The following AFAP1L2 variants were observed in gnomAD, a reference collection of about 807,000 sequenced individuals.
AFAP1L2 encodes the protein actin filament associated protein 1 like 2.
A neutral mutation model predicts 99.3 loss-of-function variants in AFAP1L2; 46 were observed. The observed-to-expected ratio is 0.46, with a 90% confidence interval of 0.37 to 0.59. AFAP1L2 has a LOEUF of 0.59. Ranked by LOEUF, AFAP1L2 falls within the 20% of genes least tolerant of loss-of-function variation. The pLI, the probability that AFAP1L2 is intolerant of heterozygous loss-of-function variation, is 0.00. For missense variants in AFAP1L2, 959 were observed against 1,034.9 expected, an observed-to-expected ratio of 0.93 and a Z score of 1.01; for synonymous variants, 397 against 419.1, an observed-to-expected ratio of 0.95 and a Z score of 0.64.
chr10:114,298,663 A>G (rs2040628170), intron 16 of AFAP1L2, among the ~76,000 whole-genome samples: 1 of 152,212 alleles, frequency 6.6e-6, no homozygotes, highest in Admixed American at 6.5e-5. Flanking sequence ...AGCCTGGGCA[A>G]CATTGCAAGA....
the AFAP1L2 span, chr10:114,285,055 T>TACCCAGCA: frequency 8.7e-7 from 1 of 1,146,154 alleles, no homozygotes; most frequent in Non-Finnish European, 1.2e-6. Flanking sequence ...CCCTTCCAGC[T>TACCCAGCA]GCTGGGTAGA....
intron 2 of AFAP1L2, 49 bp from the exon 3 acceptor site, chr10:114,333,344 G>T: frequency 6.7e-7 from 1 of 1,489,572 alleles, no homozygotes; most frequent in Non-Finnish European, 9.4e-7. Context: ...TGAAGAGAAA[G>T]GGCCTCCAGC....
At chr10:114,343,828 T>C (rs1008533836) in intron 1 of AFAP1L2, among the ~76,000 whole-genome samples, 3 of 152,130 alleles carry the variant, frequency 2.0e-5, no homozygotes, top group Non-Finnish European at 4.4e-5. Context: ...TGCCCTGCTG[T>C]GACCAGACTT....
downstream of AFAP1L2, chr10:114,290,298 C>T (rs747184301): frequency 9.0e-6 from 14 of 1,550,574 alleles, no homozygotes; most frequent in South Asian, 1.2e-5. Flanking sequence ...AGGGCAGCTG[C>T]GTCCTGCAGA....
intron 1 of AFAP1L2, among the ~76,000 whole-genome samples, chr10:114,363,640 A>C (rs1450864916): frequency 2.6e-5 from 4 of 152,230 alleles, no homozygotes; most frequent in Non-Finnish European, 4.4e-5. Context: ...AACAGGTGGC[A>C]GAGTTAAAGT....
chr10:114,297,463 C>T, intron 16 of AFAP1L2, 50 bp from the exon 17 acceptor site: 1 of 1,579,212 alleles, frequency 6.3e-7, no homozygotes, highest in Non-Finnish European at 8.6e-7. Context: ...CAGCCCAGGC[C>T]AGGGAGCCCT....
chr10:114,291,456 A>T, downstream of AFAP1L2: 1 of 551,526 alleles, frequency 1.8e-6, no homozygotes, highest in Non-Finnish European at 3.1e-6. Flanking sequence ...AGCTGATGTC[A>T]CCCACAAACG....
chr10:114,395,445 T>G (rs1026895560), intron 1 of AFAP1L2, among the ~76,000 whole-genome samples: 5 of 152,186 alleles, frequency 3.3e-5, no homozygotes, highest in African/African-American at 1.2e-4. Flanking sequence ...AAGGACCACA[T>G]TTGAATTTTA....
chr10:114,393,535 T>C (rs775770544), intron 1 of AFAP1L2: 1 of 152,074 alleles, frequency 6.6e-6, no homozygotes, highest in African/African-American at 2.4e-5. Context: ...ATTCATGAAG[T>C]AGAATCCCCG....
At chr10:114,350,788 C>T (rs2136202854) in intron 1 of AFAP1L2, among the ~76,000 whole-genome samples, 1 of 152,202 alleles carries the variant, frequency 6.6e-6, no homozygotes, top group Non-Finnish European at 1.5e-5. Flanking sequence ...TCAGAGAGAA[C>T]CCACGGTGAA....
chr10:114,297,371 A>G lies in AFAP1L2; in HGVS notation c.2156T>C (p.Ile719Thr), dbSNP rs760599350. 1.2e-6 allele frequency: 2 copies of G among 1,613,376 alleles called. No individual in the cohort carries two copies. Among genetic ancestry groups the G allele is most frequent in the Admixed American group, 1.7e-5 (1 of 59,992 alleles). The change falls in exon 17 of 19, where the codon ATT (isoleucine) becomes ACT (threonine). Residue 719 changes from isoleucine (I) to threonine (T), a missense_variant. This residue lies in a region of AFAP1L2 where 576 missense variants were observed against 562.1 expected (regional missense o/e 1.02). Transcript: ENST00000304129. ...CTCCTCGCCCCGGCACTCCTCGTCAATTTCCTTCAGCTTCTGCTCCAGGCT... is the reference window on the plus strand; with the variant it reads ...CTCCTCGCCCCGGCACTCCTCGTCAGTTTCCTTCAGCTTCTGCTCCAGGCT... ...LASLEQKLKE[I>T]DEECRGEESR...
intron 1 of AFAP1L2, among the ~76,000 whole-genome samples, chr10:114,373,934 G>C (rs1169052735): frequency 6.6e-6 from 1 of 152,144 alleles, no homozygotes; most frequent in Non-Finnish European, 1.5e-5. Context: ...ACAGCGGACA[G>C]AAGATGCTGG....
chr10:114,346,556 G>A (rs1288548685), intron 1 of AFAP1L2, among the ~76,000 whole-genome samples: 1 of 152,186 alleles, frequency 6.6e-6, no homozygotes, highest in Non-Finnish European at 1.5e-5. Flanking sequence ...GCTGGGAGGG[G>A]TGGGCATCCC....
chr10:114,366,762 T>C (rs548887901), intron 1 of AFAP1L2, among the ~76,000 whole-genome samples: 1 of 152,196 alleles, frequency 6.6e-6, no homozygotes, highest in Non-Finnish European at 1.5e-5. Context: ...GGTCAGGAGT[T>C]CAAGACCAGC....
rs146489362 is a variant in AFAP1L2 at position 114,316,691 on chromosome 10, A to G, written c.407-926T>C. On this transcript the variant is annotated intron_variant, in intron 5 of 18. Coordinates refer to ENST00000304129, the MANE Select transcript of AFAP1L2 (RefSeq NM_001001936.3). ...AAGTCCTACTGCTCTATTCAAGGAC[A>G]AAACAAAAACCATGTGAAGAAAAAT... 6.2e-3 allele frequency among the ~76,000 whole-genome samples: 939 copies of G among 152,358 alleles called. 11 individuals are homozygous for G. The highest frequency in any genetic ancestry group is 0.022 in the African/African-American group (911 of 41,576).
At chr10:114,290,485 A>G, downstream of AFAP1L2, 1 of 1,401,614 alleles carries the variant, frequency 7.1e-7, no homozygotes, top group South Asian at 1.4e-5. Flanking sequence ...GAAATTATTC[A>G]GTCGTTTACC....
chr10:114,341,114 C>CTGT (rs1467403835), intron 1 of AFAP1L2, among the ~76,000 whole-genome samples: 1 of 152,232 alleles, frequency 6.6e-6, no homozygotes, highest in African/African-American at 2.4e-5. Context: ...CTGTTGAGCT[C>CTGT]TGCTCTTAGA....
In AFAP1L2 at chr10:114,296,017, A is replaced by G. The variant is rs2040156400; in HGVS notation, c.*25T>C. On this transcript the variant is annotated 3_prime_UTR_variant, in exon 19 of 19. Transcript: ENST00000304129. ...TGTCACCAAGGTCCACATTGACATG[A>G]GAGTCTTTAGATGAAGCTTGTTTTC... 1 of 1,614,142 alleles carries G rather than the reference A, an allele frequency of 6.2e-7. No homozygotes were observed. Among genetic ancestry groups the G allele is most frequent in the Non-Finnish European group, 8.5e-7 (1 of 1,179,998 alleles).
chr10:114,291,094 CT>C (rs1190269326), downstream of AFAP1L2: 1 of 1,158,052 alleles, frequency 8.6e-7, no homozygotes, highest in African/African-American at 1.5e-5. Context: ...AATCTGGCAT[CT>C]TCTGCTGGGG....
Sources: gnomAD v4.1 joint callset for allele counts (sites outside exome capture counted in the v4.1 genomes callset) on GRCh38, gnomAD v4.1.1 for gene constraint, gnomAD v4.1.1 regional missense constraint, MANE v1.5 for transcripts, NCBI Gene and HGNC (gene_info 2026-07-23, HGNC 2026-07-21) for gene names.